Variants in SLC16A10 observed in about 807,000 individuals in gnomAD.
SLC16A10 encodes solute carrier family 16 member 10, also known as monocarboxylate transporter 10.
A neutral mutation model predicts 40.0 loss-of-function variants in SLC16A10; 27 were observed. The ratio of observed to expected loss-of-function variants is 0.67; its 90% CI spans 0.50 to 0.93. The LOEUF is 0.93. Ranked by LOEUF, SLC16A10 falls within the 40% of genes least tolerant of loss-of-function variation. The pLI is 0.00. For missense variants in SLC16A10, 529 were observed against 658.2 expected, an observed-to-expected ratio of 0.80 and a Z score of 2.15; for synonymous variants, 213 against 249.8, an observed-to-expected ratio of 0.85 and a Z score of 1.39.
At chr6:111,221,905 T>G in intron 5 of SLC16A10, 98 bp from the exon 6 acceptor site, 1 of 1,093,706 alleles carries the variant, frequency 9.1e-7, no homozygotes, top group East Asian at 2.9e-5. Flanking sequence ...AAAAAAAAAG[T>G]CTGATGTCTG....
intron 1 of SLC16A10, among the ~76,000 whole-genome samples, chr6:111,112,587 A>T (rs1217242478): frequency 6.6e-6 from 1 of 152,252 alleles, no homozygotes; most frequent in Non-Finnish European, 1.5e-5. Flanking sequence ...CGCTGCAAGA[A>T]GAATTTATTT....
At position 111,229,946 on chromosome 6, in the gene SLC16A10, T is replaced by G. The variant is rs913924883; in HGVS notation, c.*7711T>G. ...CTCTTTAATGTTCTGTAGGTAGGAT[T>G]CAGATGAATTGAGAATGACAGGTTT... is the stretch of plus-strand genomic sequence containing the variant. On this transcript the variant is annotated 3_prime_UTR_variant, in exon 6 of 6. Coordinates refer to ENST00000368851, the MANE Select transcript of SLC16A10 (RefSeq NM_018593.5). 1 of 151,576 alleles carries G rather than the reference T, an allele frequency of 6.6e-6. No homozygotes were observed. Among genetic ancestry groups the G allele is most frequent in the African/African-American group, 2.4e-5 (1 of 41,266 alleles). The allele number at this position is 151,576 out of a possible 1,614,324, so 9.4% of individuals were successfully genotyped here. A position where few individuals can be genotyped will look rare whatever the true frequency, so the allele number is the denominator to read the frequency against.
intron 1 of SLC16A10, among the ~76,000 whole-genome samples, chr6:111,115,357 C>T (rs1317672994): frequency 6.6e-6 from 1 of 152,198 alleles, no homozygotes; most frequent in Non-Finnish European, 1.5e-5. Context: ...TTATAGGCGC[C>T]TGCCATCACG....
intron 3 of SLC16A10, among the ~76,000 whole-genome samples, chr6:111,199,153 A>C (rs1773124750): frequency 6.6e-6 from 1 of 152,152 alleles, no homozygotes; most frequent in Non-Finnish European, 1.5e-5. Flanking sequence ...CCAAGAAAGA[A>C]ACTTCAGAAT....
In SLC16A10 at chr6:111,090,432, AAC is replaced by A. The variant is rs368523980; in HGVS notation, c.343+2341_343+2342del. Among the ~76,000 whole-genome samples, 1,437 of 152,328 alleles carry A rather than the reference AAC, an allele frequency of 9.4e-3. 4 individuals are homozygous for A. The highest frequency in any genetic ancestry group is 0.017 in the African/African-American group (727 of 41,578). ...CTATGCACTTGTAATGGCCCTGTATAACACAGCATCTAGATTGAACAATGGCC... is the reference window on the plus strand; with the variant it reads ...CTATGCACTTGTAATGGCCCTGTATAACAGCATCTAGATTGAACAATGGCC... On this transcript the variant is annotated intron_variant, in intron 1 of 5. Coordinates refer to ENST00000368851, the MANE Select transcript of SLC16A10 (RefSeq NM_018593.5).
intron 1 of SLC16A10, among the ~76,000 whole-genome samples, chr6:111,093,093 T>G (rs1771012944): frequency 6.6e-6 from 1 of 151,888 alleles, no homozygotes; most frequent in Non-Finnish European, 1.5e-5. Flanking sequence ...CAACTTTGTT[T>G]TAACTCTGCT....
At chr6:111,145,058 C>T (rs1772052341) in intron 1 of SLC16A10, among the ~76,000 whole-genome samples, 1 of 151,688 alleles carries the variant, frequency 6.6e-6, no homozygotes, top group African/African-American at 2.4e-5. Flanking sequence ...GTCTTGAACT[C>T]CTGGGCTCAA....
At chr6:111,159,721 T>C (rs573365338) in intron 1 of SLC16A10, among the ~76,000 whole-genome samples, 13 of 152,254 alleles carry the variant, frequency 8.5e-5, no homozygotes, top group Admixed American at 2.6e-4. Context: ...AAGAAATTCC[T>C]GAACTGCTTT....
chr6:111,125,520 C>T (rs1187216233), intron 1 of SLC16A10, among the ~76,000 whole-genome samples: 1 of 152,166 alleles, frequency 6.6e-6, no homozygotes, highest in African/African-American at 2.4e-5. Context: ...GTTCTATCCA[C>T]ATCTCATCAA....
chr6:111,092,059 T>TCAC (rs1414606862), intron 1 of SLC16A10, among the ~76,000 whole-genome samples: 1 of 151,884 alleles, frequency 6.6e-6, no homozygotes, highest in Non-Finnish European at 1.5e-5. Flanking sequence ...TTTCAACAGG[T>TCAC]GGTGGGGTTG....
At chr6:111,175,549 T>G (rs530437986) in intron 2 of SLC16A10, among the ~76,000 whole-genome samples, 1 of 152,298 alleles carries the variant, frequency 6.6e-6, no homozygotes, top group African/African-American at 2.4e-5. Context: ...AATAAGCACT[T>G]TAAGTAAGTT....
At chr6:111,178,096 A>AT in intron 3 of SLC16A10, among the ~76,000 whole-genome samples, 1 of 152,372 alleles carries the variant, frequency 6.6e-6, no homozygotes, top group African/African-American at 2.4e-5. Context: ...AGTATAAAAC[A>AT]TTTGATAGGT....
At chr6:111,139,923 G>A (rs1771950985) in intron 1 of SLC16A10, among the ~76,000 whole-genome samples, 1 of 152,144 alleles carries the variant, frequency 6.6e-6, no homozygotes, top group Admixed American at 6.5e-5. Context: ...GCCAGCATCT[G>A]TTACTTTTTG....
At chr6:111,148,931 A>C (rs1772125157) in intron 1 of SLC16A10, among the ~76,000 whole-genome samples, 1 of 152,164 alleles carries the variant, frequency 6.6e-6, no homozygotes, top group Non-Finnish European at 1.5e-5. Context: ...AACATGGTGA[A>C]ACCCCATCTC....
At chr6:111,100,849 T>TA (rs961185275) in intron 1 of SLC16A10, among the ~76,000 whole-genome samples, 3 of 151,690 alleles carry the variant, frequency 2.0e-5, no homozygotes, top group African/African-American at 7.3e-5. Flanking sequence ...CATATATACA[T>TA]ACATACATAC....
chr6:111,172,655 C>T (rs201871895), intron 1 of SLC16A10, 40 bp from the exon 2 acceptor site: 341 of 1,596,946 alleles, frequency 2.1e-4, no homozygotes, highest in Middle Eastern at 6.7e-4. Flanking sequence ...ATATAACTTA[C>T]CATGTCATAA....
intron 3 of SLC16A10, among the ~76,000 whole-genome samples, chr6:111,185,178 T>A (rs922628906): frequency 6.6e-6 from 1 of 152,228 alleles, no homozygotes; most frequent in African/African-American, 2.4e-5. Context: ...AGGAAACAAT[T>A]CTGCAAAGCT....
chr6:111,144,523 A>G (rs1772042201), intron 1 of SLC16A10, among the ~76,000 whole-genome samples: 1 of 152,170 alleles, frequency 6.6e-6, no homozygotes, highest in Non-Finnish European at 1.5e-5. Flanking sequence ...ATTTTTATCA[A>G]AGATGTAAAT....
chr6:111,111,063 T>C (rs987837985), intron 1 of SLC16A10, among the ~76,000 whole-genome samples: 9 of 152,198 alleles, frequency 5.9e-5, no homozygotes, highest in Non-Finnish European at 1.3e-4. Context: ...GCCAGTTCTG[T>C]ACAGCCATTT....
Sources: allele counts gnomAD v4.1 joint callset (sites outside exome capture counted in the v4.1 genomes callset), GRCh38; gene constraint gnomAD v4.1.1; transcripts MANE v1.5; gene names NCBI Gene and HGNC (gene_info 2026-07-23, HGNC 2026-07-21).